The following ZNF662 variants were observed in gnomAD, a reference collection of about 807,000 sequenced individuals.
ZNF662 encodes zinc finger protein 662.
Under a neutral mutation model 12.4 loss-of-function variants are expected in ZNF662, and 14 were observed. The ratio of observed to expected loss-of-function variants is 1.13; its 90% CI spans 0.75 to 1.77. The LOEUF is 1.77. ZNF662 is among the 40% of genes most tolerant of loss of function. The pLI, the probability that ZNF662 is intolerant of heterozygous loss-of-function variation, is 0.00. For synonymous variants in ZNF662, 184 were observed against 176.4 expected (o/e 1.04, Z -0.34); for missense variants, 550 against 515.6 (o/e 1.07, Z -0.65).
At chr3:42,909,927 C>T (rs367982900) in intron 3 of ZNF662, among the ~76,000 whole-genome samples, 7 of 151,468 alleles carry the variant, frequency 4.6e-5, no homozygotes, top group East Asian at 2.0e-4. Context: ...CGGGCAGAGA[C>T]GCTCCTCACT....
Position 42,913,241 on chromosome 3 carries a change from G to T in ZNF662, c.192G>T (p.Glu64Asp), listed in dbSNP as rs1436720681. ...AGCCTGCTGGGATTTCCCATCCTGAGCAGGTGGAAGAGCCATTAAACCTGA... is the reference window on the plus strand; with the variant it reads ...AGCCTGCTGGGATTTCCCATCCTGATCAGGTGGAAGAGCCATTAAACCTGA... The part of the protein sequence containing the change: ...FLKPAGISHP[E>D]QVEEPLNLKL... Residue 64 changes from glutamate (E) to aspartate (D), a missense_variant, in exon 4 of 5, where the codon GAG becomes GAT. By Grantham distance (45) the Glu-to-Asp change is conservative (BLOSUM62 2). Coordinates refer to ENST00000440367, the MANE Select transcript of ZNF662 (RefSeq NM_207404.4). 2.5e-6 allele frequency: 4 copies of T among 1,614,056 alleles called. No individual in the cohort carries two copies. In the Admixed American group the frequency reaches 6.7e-5, roughly 27 times the overall value.
At position 42,915,037 on chromosome 3, in the gene ZNF662, C is replaced by CA; in HGVS notation, c.965dup (p.His322GlnfsTer14). 6.2e-7 allele frequency: 1 copy of CA among 1,614,100 alleles called. No individual in the cohort carries two copies. Among genetic ancestry groups the CA allele is most frequent in the Non-Finnish European group, 8.5e-7 (1 of 1,180,038 alleles). ...TACTCGAAACCCAGCCCTTCTTCGA[C>CA]ATCAGAGAATGCACACTGGGGAGAA... is the stretch of plus-strand genomic sequence containing the variant. On this transcript the variant is annotated frameshift_variant, in exon 5 of 5. Transcript: ENST00000440367. LOFTEE classifies it low-confidence loss of function (END_TRUNC).
rs904824428 is a variant in ZNF662 at position 42,906,388 on chromosome 3, G to C, written c.-94+220G>C. 2.8e-5 allele frequency: 42 copies of C among 1,521,628 alleles called. No homozygotes were observed. The highest frequency in any genetic ancestry group is 3.4e-5 in the Non-Finnish European group (39 of 1,139,656). The allele number at this position is 1,521,628 out of a possible 1,614,324, so 94.3% of individuals were successfully genotyped here. Reference sequence around the variant, plus strand: ...GGCGCTGGCGAGCGGGACACGCCTCGGCCTTGTCCTCGAGCTGCTCCCGGG... The same window carrying C: ...GGCGCTGGCGAGCGGGACACGCCTCCGCCTTGTCCTCGAGCTGCTCCCGGG... On this transcript the variant is annotated intron_variant, in intron 1 of 4. Coordinates refer to ENST00000440367, the MANE Select transcript of ZNF662 (RefSeq NM_207404.4). The surrounding 1 kb of genome is among the most constrained non-coding windows in gnomAD (Gnocchi z 4.4).
At position 42,914,672 on chromosome 3, in the gene ZNF662, G is replaced by A. The variant is rs2088876701; in HGVS notation, c.599G>A (p.Cys200Tyr). Residue 200 changes from cysteine (C) to tyrosine (Y), a missense_variant, in exon 5 of 5, where the codon TGT (cysteine) becomes TAT (tyrosine). Coordinates refer to ENST00000440367, the MANE Select transcript of ZNF662 (RefSeq NM_207404.4). ...IFYICEECGKCFDQNEDFDQH... is the reference protein window; with the variant it reads ...IFYICEECGKYFDQNEDFDQH... ...TATATATGTGAGGAATGCGGCAAGT[G>A]TTTTGATCAAAATGAGGACTTTGAT... 1.2e-6 allele frequency: 2 copies of A among 1,614,100 alleles called. No individual in the cohort carries two copies. The highest frequency in any genetic ancestry group is 1.7e-6 in the Non-Finnish European group (2 of 1,180,042).
Position 42,919,192 on chromosome 3 carries a change from A to C in ZNF662, c.*3838A>C, listed in dbSNP as rs704899. Among the ~76,000 whole-genome samples, 111,324 of 152,020 alleles carry C rather than the reference A, an allele frequency of 0.73. 41,892 individuals are homozygous for C. The highest frequency in any genetic ancestry group is 0.97 in the East Asian group (4,980 of 5,158). Reference sequence around the variant, plus strand: ...AGCAGTGTTAGTTTAAAATGTGGGCAAAAACTTAAAAACAACGAATGAGTC... The same window carrying C: ...AGCAGTGTTAGTTTAAAATGTGGGCCAAAACTTAAAAACAACGAATGAGTC... On this transcript the variant is annotated 3_prime_UTR_variant, in exon 5 of 5. Coordinates refer to ENST00000440367, the MANE Select transcript of ZNF662 (RefSeq NM_207404.4).
intron 3 of ZNF662, among the ~76,000 whole-genome samples, chr3:42,909,671 G>T (rs1214835065): frequency 6.6e-6 from 1 of 151,034 alleles, no homozygotes; most frequent in Non-Finnish European, 1.5e-5. Flanking sequence ...CCTCCCAGAC[G>T]GGGCAGCGGC....
chr3:42,907,913 T>C, intron 1 of ZNF662, 109 bp from the exon 2 acceptor site: 1 of 1,458,682 alleles, frequency 6.9e-7, no homozygotes, highest in Non-Finnish European at 9.1e-7. Flanking sequence ...ACATTCAGAA[T>C]CCAGAATCCC....
chr3:42,912,273 T>A (rs1354663276), intron 3 of ZNF662, among the ~76,000 whole-genome samples: 3 of 125,754 alleles, frequency 2.4e-5, no homozygotes, highest in Non-Finnish European at 4.8e-5. Flanking sequence ...ATCTTATATA[T>A]TATATATAAA....
chr3:42,908,042 T>C lies in ZNF662; in HGVS notation c.-73T>C, dbSNP rs1490005373. On this transcript the variant is annotated 5_prime_UTR_variant, in exon 2 of 5. The change abolishes an upstream ATG in the 5' untranslated region. Coordinates refer to ENST00000440367, the MANE Select transcript of ZNF662 (RefSeq NM_207404.4). ...TTCAGGAGTCAGTGACCTTCGAGGA[T>C]GTGGCCGTCTACTTCTCTGAGAACG... 69 of 1,614,072 alleles carry C rather than the reference T, an allele frequency of 4.3e-5. No individual in the cohort carries two copies. The highest frequency in any genetic ancestry group is 5.7e-5 in the Non-Finnish European group (67 of 1,180,030).
At chr3:42,911,987 A>T (rs1342433393) in intron 3 of ZNF662, 4 of 151,844 alleles carry the variant, frequency 2.6e-5, no homozygotes, top group Non-Finnish European at 5.9e-5. Context: ...TCCTGATTCT[A>T]TTCTATGTGA....
Position 42,906,650 on chromosome 3 carries a change from G to A in ZNF662, c.-94+482G>A, listed in dbSNP as rs2088683747. On this transcript the variant is annotated intron_variant, in intron 1 of 4. Transcript: ENST00000440367. The surrounding 1 kb of genome is among the most constrained non-coding windows in gnomAD (Gnocchi z 4.4). ...GCACGGGGTTGAGCCGACTGCTGGG[G>A]CAGAGCGCACAGAGTGCTGTCGGGG... is the stretch of plus-strand genomic sequence containing the variant. 6.6e-6 allele frequency among the ~76,000 whole-genome samples: 1 copy of A among 152,206 alleles called. No homozygotes were observed. Among genetic ancestry groups the A allele is most frequent in the Admixed American group, 6.5e-5 (1 of 15,292 alleles).
chr3:42,912,622 AAT>A (rs2088822963), intron 3 of ZNF662, among the ~76,000 whole-genome samples: 1 of 84,062 alleles, frequency 1.2e-5, no homozygotes, highest in Non-Finnish European at 2.2e-5. Context: ...TTTTCTATAA[AAT>A]ATATATTTAT....
chr3:42,908,574 T>C, intron 2 of ZNF662: 2 of 1,377,152 alleles, frequency 1.5e-6, no homozygotes, highest in Non-Finnish European at 1.9e-6. Flanking sequence ...ATCATCCATT[T>C]GCTGACTCAA....
At chr3:42,912,655 TATATATATATATTTTTTATATATATAA>T (rs2088828359) in intron 3 of ZNF662, among the ~76,000 whole-genome samples, 1 of 46,710 alleles carries the variant, frequency 2.1e-5, no homozygotes, top group African/African-American at 1.1e-4. Context: ...TATATATAAA[TATATATATATATTTTTTATATATATAA>T]ATATATATAT....
At chr3:42,910,728 C>G (rs2088774651) in intron 3 of ZNF662, among the ~76,000 whole-genome samples, 1 of 152,172 alleles carries the variant, frequency 6.6e-6, no homozygotes, top group Admixed American at 6.5e-5. Context: ...TGGTTGCCTC[C>G]TTGGCCCCAT....
At position 42,918,933 on chromosome 3, in the gene ZNF662, A is replaced by G. The variant is rs2088922434; in HGVS notation, c.*3579A>G. Among the ~76,000 whole-genome samples, 1 of 152,202 alleles carries G rather than the reference A, an allele frequency of 6.6e-6. No homozygotes were observed. The highest frequency in any genetic ancestry group is 2.4e-5 in the African/African-American group (1 of 41,462). On this transcript the variant is annotated 3_prime_UTR_variant, in exon 5 of 5. Coordinates refer to ENST00000440367, the MANE Select transcript of ZNF662 (RefSeq NM_207404.4). Reference sequence around the variant, plus strand: ...ACACACCCAGATAACTGGTAGCTATAGTTATGCCTGCTAAGATTGGGGTGT... The same window carrying G: ...ACACACCCAGATAACTGGTAGCTATGGTTATGCCTGCTAAGATTGGGGTGT...
chr3:42,908,474 C>T, intron 2 of ZNF662: 1 of 1,237,670 alleles, frequency 8.1e-7, no homozygotes, highest in Non-Finnish European at 1.0e-6. Flanking sequence ...CAGCCTAATT[C>T]CAAGCATCCT....
At position 42,914,737 on chromosome 3, in the gene ZNF662, T is replaced by A. The variant is rs1470806620; in HGVS notation, c.664T>A (p.Cys222Ser). Residue 222 changes from cysteine to serine, a missense_variant, in exon 5 of 5, where the codon TGT (cysteine) becomes AGT (serine). Coordinates refer to ENST00000440367, the MANE Select transcript of ZNF662 (RefSeq NM_207404.4). ...KTHNGEKVYG[C>S]KECGKAFSFR... The stretch of plus-strand genomic sequence containing the variant: ...TCATAATGGAGAGAAGGTCTATGGA[T>A]GTAAGGAATGTGGGAAGGCTTTCAG... The A allele has an allele frequency of 5.0e-6, 8 of 1,614,082 alleles. No homozygotes were observed. The highest frequency in any genetic ancestry group is 4.2e-6 in the Non-Finnish European group (5 of 1,180,032).
At chr3:42,907,893 G>A (rs2088705330) in intron 1 of ZNF662, 129 bp from the exon 2 acceptor site, 5 of 1,428,328 alleles carry the variant, frequency 3.5e-6, no homozygotes, top group Non-Finnish European at 4.6e-6. Context: ...TGCTGATAGA[G>A]TTCCTGTAGA....
Sources: allele counts gnomAD v4.1 joint callset (sites outside exome capture counted in the v4.1 genomes callset), GRCh38; gene constraint gnomAD v4.1.1; non-coding constraint Gnocchi (gnomAD v3.1); transcripts MANE v1.5; gene names NCBI Gene and HGNC (gene_info 2026-07-23, HGNC 2026-07-21).